Variants in DNAH9 observed in about 807,000 individuals in gnomAD.
DNAH9 encodes the protein DNAH9 variant protein.
A neutral mutation model predicts 471.6 loss-of-function variants in DNAH9; 345 were observed. The ratio of observed to expected loss-of-function variants is 0.73; its 90% CI spans 0.67 to 0.80. DNAH9 has a LOEUF of 0.80. Among genes scored for constraint, DNAH9 ranks in the 30% least tolerant of loss-of-function variants. The pLI is 0.00. For missense variants in DNAH9, 5,407 were observed against 5,609.2 expected (o/e 0.96, Z 1.15); for synonymous variants, 2,093 against 2,123.6 (o/e 0.99, Z 0.40).
At chr17:11,634,523 A>G (rs1001634708) in intron 8 of DNAH9, among the ~76,000 whole-genome samples, 5 of 152,140 alleles carry the variant, frequency 3.3e-5, no homozygotes, top group Non-Finnish European at 7.4e-5. Context: ...CTCTGTGCAC[A>G]CACCTGTACT....
chr17:11,937,384 CT>C lies in DNAH9; in HGVS notation c.12523del (p.Tyr4175ThrfsTer14). On this transcript the variant is annotated frameshift_variant, in exon 66 of 69. Transcript: ENST00000262442. LOFTEE classifies it high-confidence loss of function. The surrounding 1 kb of genome is among the most constrained non-coding windows in gnomAD (Gnocchi z 4.1). ...IDAELPPESP[Y>X]LYGLHPNAEI... is the part of the protein sequence containing the mutation. ...ATGCTGAGCTGCCCCCAGAATCCCC[CT>C]ACCTCTATGGCCTCCACCCGAACGC... The C allele has an allele frequency of 6.2e-7, 1 of 1,613,744 alleles. No homozygotes were observed. Among genetic ancestry groups the C allele is most frequent in the Non-Finnish European group, 8.5e-7 (1 of 1,179,802 alleles).
At position 11,699,845 on chromosome 17, in the gene DNAH9, T is replaced by A. The variant is rs1380143150; in HGVS notation, c.4987T>A (p.Tyr1663Asn). 1 of 1,613,556 alleles carries A rather than the reference T, an allele frequency of 6.2e-7. No homozygotes were observed. Among genetic ancestry groups the A allele is most frequent in the African/African-American group, 1.3e-5 (1 of 74,740 alleles). The change falls in exon 23 of 69, where the codon TAT (tyrosine) becomes AAT (asparagine). Residue 1663 changes from tyrosine (Y) to asparagine (N), a missense_variant. Coordinates refer to ENST00000262442, the MANE Select transcript of DNAH9 (RefSeq NM_001372.4). ...CGGCATGTACAGCAAAGAAGAGGAG[T>A]ATGTGGCTTTCAGTGAGCCCTGTGA... Reference protein sequence around the residue: ...SLGMYSKEEEYVAFSEPCDCS... With the variant: ...SLGMYSKEEENVAFSEPCDCS...
intron 19 of DNAH9, among the ~76,000 whole-genome samples, chr17:11,683,590 G>A (rs1256139182): frequency 1.3e-5 from 2 of 152,234 alleles, no homozygotes; most frequent in Non-Finnish European, 2.9e-5. Context: ...GTGCTTTTGT[G>A]TCTGTTCGAA....
chr17:11,813,206 C>A (rs1385348224), intron 45 of DNAH9, among the ~76,000 whole-genome samples: 1 of 151,668 alleles, frequency 6.6e-6, no homozygotes. Flanking sequence ...GAGTTTTAGG[C>A]CCCATTTTAA....
chr17:11,643,750 C>T (rs1383184930), intron 10 of DNAH9, among the ~76,000 whole-genome samples: 1 of 152,190 alleles, frequency 6.6e-6, no homozygotes, highest in East Asian at 1.9e-4. Flanking sequence ...TATGGTCTAG[C>T]TTAGCCTATG....
intron 6 of DNAH9, chr17:11,619,993 T>C (rs189641093): frequency 1.8e-6 from 1 of 554,982 alleles, no homozygotes; most frequent in East Asian, 3.0e-5. Context: ...GGTGGATTGC[T>C]TGAGCCCAGG....
rs370503633 is a variant in DNAH9 at position 11,768,612 on chromosome 17, G to A, written c.7330G>A (p.Glu2444Lys). 5.6e-5 allele frequency: 90 copies of A among 1,613,908 alleles called. No individual in the cohort carries two copies. The highest frequency in any genetic ancestry group is 7.0e-5 in the Non-Finnish European group (83 of 1,179,960). The change falls in exon 37 of 69, where the codon GAG (glutamate) becomes AAG (lysine). Residue 2444 changes from glutamate (E) to lysine (K), a missense_variant. By Grantham distance (56) the Glu-to-Lys change is moderately conservative. Transcript: ENST00000262442. ...CGTCCCCCAGTTCGAATTTGACCCCGAGATGCCCTTGCAGGTGAGTGCAGC... is the reference window on the plus strand; with the variant it reads ...CGTCCCCCAGTTCGAATTTGACCCCAAGATGCCCTTGCAGGTGAGTGCAGC... Reference protein sequence around the residue: ...KLVPQFEFDPEMPLQACLVHT... With the variant: ...KLVPQFEFDPKMPLQACLVHT...
At position 11,880,062 on chromosome 17, in the gene DNAH9, A is replaced by G. The variant is rs759829645; in HGVS notation, c.10479-16A>G. 1.9e-6 allele frequency: 3 copies of G among 1,613,614 alleles called. No homozygotes were observed. The Admixed American group carries it at 5.0e-5, about 27-fold the overall frequency. ...GCCACAGTCTCATACTCCCGGACTCATACTTGTTTCCCTAGCTACCTTCAA... is the reference window on the plus strand; with the variant it reads ...GCCACAGTCTCATACTCCCGGACTCGTACTTGTTTCCCTAGCTACCTTCAA... On this transcript the variant is annotated splice_polypyrimidine_tract_variant and intron_variant, in intron 53 of 68. Transcript: ENST00000262442.
chr17:11,611,510 G>T, intron 3 of DNAH9, 140 bp from the exon 4 acceptor site: 1 of 835,492 alleles, frequency 1.2e-6, no homozygotes, highest in Admixed American at 2.4e-5. Flanking sequence ...CAGATGTCCA[G>T]GCTCTTTGGG....
At chr17:11,926,807 C>T (rs2151031984) in intron 62 of DNAH9, among the ~76,000 whole-genome samples, 1 of 152,248 alleles carries the variant, frequency 6.6e-6, no homozygotes, top group Middle Eastern at 3.4e-3. Context: ...GGTATTTCTG[C>T]TTCTGTATCT....
chr17:11,694,600 A>C (rs2074395781), intron 22 of DNAH9, among the ~76,000 whole-genome samples, 153 bp downstream of exon 22: 1 of 109,834 alleles, frequency 9.1e-6, no homozygotes, highest in Non-Finnish European at 1.9e-5. Flanking sequence ...CATACCTCGG[A>C]GCTTTCTTGC....
intron 7 of DNAH9, among the ~76,000 whole-genome samples, chr17:11,631,224 G>A (rs999801307): frequency 8.2e-4 from 125 of 152,246 alleles, no homozygotes; most frequent in African/African-American, 2.7e-3. Context: ...AAAAGGGCCA[G>A]TATGAAAACA....
chr17:11,822,789 C>T lies in DNAH9; in HGVS notation c.9013-12C>T. 6.2e-7 allele frequency: 1 copy of T among 1,613,790 alleles called. No individual in the cohort carries two copies. The highest frequency in any genetic ancestry group is 8.5e-7 in the Non-Finnish European group (1 of 1,179,730). ...CAAGATAATCTTTTCATTTCTTGCT[C>T]TTTGGTTTTAGCCCACAGTAAAGCA... is the stretch of plus-strand genomic sequence containing the variant. On this transcript the variant is annotated splice_polypyrimidine_tract_variant and intron_variant, in intron 47 of 68. Transcript: ENST00000262442.
chr17:11,797,079 G>A (rs1034819809), intron 42 of DNAH9, among the ~76,000 whole-genome samples: 3 of 152,256 alleles, frequency 2.0e-5, no homozygotes, highest in South Asian at 2.1e-4. Flanking sequence ...GGCTAGTAGC[G>A]CATTCTTCAG....
In DNAH9 at chr17:11,962,078, C is replaced by G. The variant is rs999714074; in HGVS notation, c.13055C>G (p.Pro4352Arg). ...GTGTGGCTGACAGGCTTCTTCAACC[C>G]CCAGTCGTTCCTGACTGCCATCATG... ...STVWLTGFFN[P>R]QSFLTAIMQS... The change falls in exon 68 of 69, where the codon CCC (proline) becomes CGC (arginine). Residue 4352 changes from proline (P) to arginine (R), a missense_variant. By Grantham distance (103) the Pro-to-Arg change is moderately radical (BLOSUM62 -2). This residue lies in a region of DNAH9 where 4,636 missense variants were observed against 4,900.3 expected (regional missense o/e 0.95). Transcript: ENST00000262442. The surrounding 1 kb of genome is among the most constrained non-coding windows in gnomAD (Gnocchi z 4.1). The G allele has an allele frequency of 4.3e-6, 7 of 1,614,040 alleles. No homozygotes were observed. The highest frequency in any genetic ancestry group is 5.9e-6 in the Non-Finnish European group (7 of 1,180,046).
chr17:11,706,192 GTCAA>G (rs2074696707), intron 26 of DNAH9, among the ~76,000 whole-genome samples: 2 of 152,088 alleles, frequency 1.3e-5, no homozygotes, highest in Admixed American at 1.3e-4. Context: ...TTATTTTCTT[GTCAA>G]TCAATTGATC....
intron 28 of DNAH9, among the ~76,000 whole-genome samples, chr17:11,734,984 T>G (rs1178181328): frequency 1.3e-5 from 2 of 152,198 alleles, no homozygotes; most frequent in African/African-American, 4.8e-5. Context: ...CCGGAGGGCC[T>G]GTTCCGACGC....
At chr17:11,824,163 C>T (rs971563483) in intron 48 of DNAH9, among the ~76,000 whole-genome samples, 25 of 152,126 alleles carry the variant, frequency 1.6e-4, no homozygotes, top group African/African-American at 5.3e-4. Flanking sequence ...CAGAGCCAGC[C>T]TCTCATTAAG....
In DNAH9 at chr17:11,891,758, T is replaced by G. The variant is rs749449139; in HGVS notation, c.11113-19T>G. 1.2e-6 allele frequency: 2 copies of G among 1,612,786 alleles called. No homozygotes were observed. On this transcript the variant is annotated intron_variant, in intron 57 of 68. Transcript: ENST00000262442. The stretch of plus-strand genomic sequence containing the variant: ...AAGAGGGCTGTGTACCTTACCAGTT[T>G]CCTGTCTTCTGTCCCCAGGCCTTCA...
Sources: allele counts gnomAD v4.1 joint callset (sites outside exome capture counted in the v4.1 genomes callset), GRCh38; gene constraint gnomAD v4.1.1; regional missense constraint gnomAD v4.1.1; non-coding constraint Gnocchi (gnomAD v3.1); transcripts MANE v1.5; gene names NCBI Gene and HGNC (gene_info 2026-07-23, HGNC 2026-07-21).